The following ARB2A variants were observed in gnomAD, a reference collection of about 807,000 sequenced individuals.
ARB2A encodes the protein cotranscriptional regulator ARB2A.
At chr5:93,857,123 G>T in the ARB2A span, among the ~76,000 whole-genome samples, 1 of 152,150 alleles carries the variant, frequency 6.6e-6, no homozygotes, top group Admixed American at 6.5e-5. Flanking sequence ...GAATGCTGCT[G>T]TCTGATCGTT....
At chr5:93,758,631 G>A in the ARB2A span, among the ~76,000 whole-genome samples, 2 of 152,116 alleles carry the variant, frequency 1.3e-5, no homozygotes, top group South Asian at 4.1e-4. Flanking sequence ...TAAATAACCT[G>A]TTCCCGAATG....
the ARB2A span, among the ~76,000 whole-genome samples, chr5:93,786,522 A>C: frequency 3.3e-5 from 5 of 152,242 alleles, no homozygotes; most frequent in Admixed American, 6.5e-5. Flanking sequence ...GGAATGGCCA[A>C]ATTCCAGAAG....
chr5:94,068,300 T>C, the ARB2A span, among the ~76,000 whole-genome samples: 3 of 152,288 alleles, frequency 2.0e-5, no homozygotes, highest in East Asian at 5.8e-4. Context: ...TCTAGCCCAA[T>C]TGGGAGCGGC....
At chr5:93,817,967 TATATA>T in the ARB2A span, among the ~76,000 whole-genome samples, 1 of 151,968 alleles carries the variant, frequency 6.6e-6, no homozygotes, top group African/African-American at 2.4e-5. Context: ...TTTGTACCAA[TATATA>T]AAGACCTATG....
chr5:93,840,512 A>G, the ARB2A span, among the ~76,000 whole-genome samples: 16 of 152,104 alleles, frequency 1.1e-4, no homozygotes, highest in Non-Finnish European at 4.4e-5. Context: ...GTTTTTCTCA[A>G]GCCAAAAATC....
the ARB2A span, chr5:93,683,544 T>C: frequency 2.7e-6 from 4 of 1,479,752 alleles, no homozygotes; most frequent in East Asian, 6.8e-5. Context: ...GCTTCAACAA[T>C]GTGCAGTTCA....
chr5:94,094,370 G>C, the ARB2A span, among the ~76,000 whole-genome samples: 1 of 152,058 alleles, frequency 6.6e-6, no homozygotes, highest in Non-Finnish European at 1.5e-5. Flanking sequence ...CTCTTCTTAC[G>C]AAGACACTAA....
chr5:93,773,514 A>G, the ARB2A span, among the ~76,000 whole-genome samples: 5 of 152,354 alleles, frequency 3.3e-5, no homozygotes, highest in Admixed American at 2.0e-4. Context: ...CTCTTCGAGA[A>G]TGAAAGTGTG....
chr5:93,678,671 G>A, the ARB2A span, among the ~76,000 whole-genome samples: 12 of 151,948 alleles, frequency 7.9e-5, no homozygotes, highest in African/African-American at 2.7e-4. Flanking sequence ...CAGGAGAATC[G>A]CTTGAACCCA....
the ARB2A span, among the ~76,000 whole-genome samples, chr5:94,059,675 A>G: frequency 6.6e-6 from 1 of 151,518 alleles, no homozygotes; most frequent in Non-Finnish European, 1.5e-5. Context: ...GAAAAAAGGA[A>G]CAAAGATAAT....
the ARB2A span, among the ~76,000 whole-genome samples, chr5:93,758,645 A>G: frequency 1.1e-4 from 16 of 152,338 alleles, no homozygotes; most frequent in Non-Finnish European, 1.8e-4. Context: ...CCGAATGAAC[A>G]TTGGGTCAAA....
chr5:93,916,200 T>C, the ARB2A span, among the ~76,000 whole-genome samples: 5 of 152,102 alleles, frequency 3.3e-5, no homozygotes, highest in Non-Finnish European at 7.4e-5. Flanking sequence ...TCATTGTGAA[T>C]TGTGAGAAAA....
At chr5:93,728,236 C>T in the ARB2A span, among the ~76,000 whole-genome samples, 1 of 151,720 alleles carries the variant, frequency 6.6e-6, no homozygotes, top group African/African-American at 2.4e-5. Context: ...ATTTTAATTT[C>T]ATATGAGAAT....
At chr5:93,830,311 G>GTGTATGTGTGTATATA in the ARB2A span, among the ~76,000 whole-genome samples, 3 of 82,250 alleles carry the variant, frequency 3.6e-5, no homozygotes, top group African/African-American at 1.0e-4. Context: ...GTGTGTGTGT[G>GTGTATGTGTGTATATA]TATATATATA....
the ARB2A span, among the ~76,000 whole-genome samples, chr5:94,063,554 C>T: frequency 2.0e-5 from 3 of 152,152 alleles, no homozygotes; most frequent in Admixed American, 6.5e-5. Flanking sequence ...AGAGATCCAA[C>T]AATCAACTGC....
chr5:93,963,031 T>C, the ARB2A span, among the ~76,000 whole-genome samples: 2 of 152,084 alleles, frequency 1.3e-5, no homozygotes, highest in South Asian at 2.1e-4. Flanking sequence ...AGAAGTATTA[T>C]AGAGTTAGCA....
the ARB2A span, among the ~76,000 whole-genome samples, chr5:93,843,814 G>GT: frequency 7.9e-5 from 12 of 151,982 alleles, no homozygotes; most frequent in African/African-American, 1.9e-4. Context: ...AATAAACCAG[G>GT]TAAGTCTAGG....
chr5:93,893,095 T>C, the ARB2A span, among the ~76,000 whole-genome samples: 1 of 152,192 alleles, frequency 6.6e-6, no homozygotes, highest in Admixed American at 6.5e-5. Flanking sequence ...CACCACCTTC[T>C]GTCTGATTAA....
the ARB2A span, among the ~76,000 whole-genome samples, chr5:93,729,306 G>A: frequency 6.6e-6 from 1 of 152,072 alleles, no homozygotes; most frequent in Admixed American, 6.6e-5. Context: ...CCTCTCTCAA[G>A]CTTATGTGCT....
Sources: gnomAD v4.1 joint callset for allele counts (sites outside exome capture counted in the v4.1 genomes callset) on GRCh38, gnomAD v4.1.1 for gene constraint, MANE v1.5 for transcripts, NCBI Gene and HGNC (gene_info 2026-07-23, HGNC 2026-07-21) for gene names.